TRPM3: variants seen among roughly 807,000 people sequenced by gnomAD.
TRPM3 encodes the protein long transient receptor potential channel 3.
Under a neutral mutation model 181.2 loss-of-function variants are expected in TRPM3, and 77 were observed. The ratio of observed to expected loss-of-function variants is 0.42; its 90% CI spans 0.35 to 0.51. The LOEUF is 0.51. Among genes scored for constraint, TRPM3 ranks in the 20% least tolerant of loss-of-function variants. TRPM3 has a pLI of 0.01. For synonymous variants in TRPM3, 745 were observed against 796.4 expected (o/e 0.94, Z 1.09); for missense variants, 1,759 against 2,196.7 (o/e 0.80, Z 3.98).
At chr9:70,848,434 G>T (rs62545304) in intron 3 of TRPM3, among the ~76,000 whole-genome samples, 1 of 152,090 alleles carries the variant, frequency 6.6e-6, no homozygotes, top group Non-Finnish European at 1.5e-5. Context: ...AGAAATATTG[G>T]CTGAGTATTC....
At chr9:71,125,891 A>C (rs553521921), upstream of TRPM3, among the ~76,000 whole-genome samples, 1 of 152,358 alleles carries the variant, frequency 6.6e-6, no homozygotes, top group Middle Eastern at 3.4e-3. Context: ...TAAACTAAAG[A>C]GCTTTTGCAC....
intron 1 of TRPM3, among the ~76,000 whole-genome samples, chr9:71,233,088 C>G (rs919513987): frequency 6.6e-6 from 1 of 152,168 alleles, no homozygotes; most frequent in Non-Finnish European, 1.5e-5. Context: ...AAGGGCAAAC[C>G]AGGGTCTTCA....
intron 1 of TRPM3, among the ~76,000 whole-genome samples, chr9:71,329,073 A>G (rs1380578429): frequency 6.6e-6 from 1 of 152,248 alleles, no homozygotes; most frequent in Non-Finnish European, 1.5e-5. Flanking sequence ...CAATAGAACT[A>G]TTACAAGGAT....
chr9:71,425,520 C>T (rs1178078290), intron 1 of TRPM3, among the ~76,000 whole-genome samples: 8 of 152,232 alleles, frequency 5.3e-5, no homozygotes, highest in African/African-American at 1.2e-4. Flanking sequence ...GCACCCACCA[C>T]GAAAATACAT....
chr9:70,529,277 G>A lies in TRPM3; in HGVS notation c.*6676C>T, dbSNP rs564621298. On this transcript the variant is annotated 3_prime_UTR_variant, in exon 26 of 26. Transcript: ENST00000677713. Reference sequence around the variant, plus strand: ...TATAGTGTCGATAGATATGCATACCGTGGTCCATCCATACACAAAGAAGGA... The same window carrying A: ...TATAGTGTCGATAGATATGCATACCATGGTCCATCCATACACAAAGAAGGA... 30 of 152,182 alleles carry A rather than the reference G, an allele frequency of 2.0e-4. No homozygotes were observed. The highest frequency in any genetic ancestry group is 1.2e-3 in the South Asian group (6 of 4,816). The allele number at this position is 152,182 out of a possible 1,614,324, so 9.4% of individuals were successfully genotyped here. A position where few individuals can be genotyped will look rare whatever the true frequency, so the allele number is the denominator to read the frequency against.
chr9:71,444,337 A>T (rs1183218428), intron 1 of TRPM3, among the ~76,000 whole-genome samples: 1 of 152,146 alleles, frequency 6.6e-6, no homozygotes, highest in Admixed American at 6.5e-5. Flanking sequence ...CAATTATTTT[A>T]TATTCTCAAA....
chr9:71,399,521 C>CTTTTTTTTTTTTT lies in TRPM3; in HGVS notation c.183+47131_183+47132insAAAAAAAAAAAAA, dbSNP rs1415739241. Reference sequence around the variant, plus strand: ...ATATTCATTTTACTCCTTATATTTTCTTTTGTTTTTTTTTTTTTTTTTTTT... The same window carrying CTTTTTTTTTTTTT: ...ATATTCATTTTACTCCTTATATTTTCTTTTTTTTTTTTTTTTTGTTTTTTTTTTTTTTTTTTTT... On this transcript the variant is annotated intron_variant, in intron 1 of 24. Transcript: ENST00000357533. 7.4e-5 allele frequency among the ~76,000 whole-genome samples: 8 copies of CTTTTTTTTTTTTT among 107,516 alleles called. 1 individual carries two copies. Among genetic ancestry groups the CTTTTTTTTTTTTT allele is most frequent in the Non-Finnish European group, 8.1e-5 (4 of 49,504 alleles). 70.5% of individuals were successfully genotyped at this position (107,516 alleles called of 152,430 possible).
chr9:71,061,547 C>G (rs1361165621), intron 1 of TRPM3, among the ~76,000 whole-genome samples: 1 of 152,076 alleles, frequency 6.6e-6, no homozygotes, highest in Admixed American at 6.6e-5. Context: ...TTGTGATAAA[C>G]ACATGCATTC....
intron 1 of TRPM3, among the ~76,000 whole-genome samples, chr9:71,241,525 T>A (rs1409745327): frequency 6.6e-6 from 1 of 150,654 alleles, no homozygotes; most frequent in Non-Finnish European, 1.5e-5. Context: ...AGGGATAGCA[T>A]TAGGAGATAT....
intron 5 of TRPM3, among the ~76,000 whole-genome samples, chr9:70,837,010 G>A (rs2094364334): frequency 6.6e-6 from 1 of 152,220 alleles, no homozygotes; most frequent in Non-Finnish European, 1.5e-5. Context: ...CCAAAGCTGA[G>A]TGTGGTCCAG....
intron 6 of TRPM3, chr9:70,793,452 T>C (rs2086054448): frequency 1.4e-5 from 1 of 70,728 alleles, no homozygotes; most frequent in South Asian, 5.2e-4. Context: ...TGAGGCTTTG[T>C]CTCAAAAAAA....
intron 1 of TRPM3, among the ~76,000 whole-genome samples, chr9:70,901,147 A>G (rs949541654): frequency 6.6e-6 from 1 of 152,234 alleles, no homozygotes; most frequent in Non-Finnish European, 1.5e-5. Flanking sequence ...GGGACCTAAC[A>G]TGTAGCCAGG....
At chr9:71,205,934 AT>A (rs757480239) in intron 1 of TRPM3, among the ~76,000 whole-genome samples, 3 of 152,198 alleles carry the variant, frequency 2.0e-5, no homozygotes, top group African/African-American at 7.2e-5. Context: ...AAATAAGCAA[AT>A]GAAACTCTGG....
At chr9:71,084,453 A>T (rs1401274922) in intron 1 of TRPM3, among the ~76,000 whole-genome samples, 1 of 152,048 alleles carries the variant, frequency 6.6e-6, no homozygotes, top group African/African-American at 2.4e-5. Context: ...ACGTACAAAA[A>T]TCAGTAGCAT....
intron 1 of TRPM3, among the ~76,000 whole-genome samples, chr9:71,104,875 T>C (rs541243171): frequency 2.3e-4 from 35 of 152,300 alleles, no homozygotes; most frequent in African/African-American, 8.2e-4. Context: ...AACGCTTATA[T>C]TGTATGTTAA....
At chr9:71,262,305 G>C (rs950671227) in intron 1 of TRPM3, among the ~76,000 whole-genome samples, 6 of 152,164 alleles carry the variant, frequency 3.9e-5, no homozygotes, top group African/African-American at 1.4e-4. Flanking sequence ...CAGGGGCTTT[G>C]TTTACACTGT....
At position 71,386,110 on chromosome 9, in the gene TRPM3, G is replaced by A. The variant is rs572549184; in HGVS notation, c.183+60543C>T. Among the ~76,000 whole-genome samples the A allele has an allele frequency of 1.8e-4, 28 of 152,224 alleles. 1 individual carries two copies. In the South Asian group the frequency reaches 4.4e-3, roughly 24 times the overall value. Reference sequence around the variant, plus strand: ...GTTAAGAATGAATCCAAGATTTCTAGCTCAGTCGACAGAAAGAGGCAGAAA... The same window carrying A: ...GTTAAGAATGAATCCAAGATTTCTAACTCAGTCGACAGAAAGAGGCAGAAA... On this transcript the variant is annotated intron_variant, in intron 1 of 24. Transcript: ENST00000357533.
At chr9:71,044,629 G>C (rs1164305430) in intron 1 of TRPM3, among the ~76,000 whole-genome samples, 1 of 152,182 alleles carries the variant, frequency 6.6e-6, no homozygotes, top group African/African-American at 2.4e-5. Context: ...TGACATTTAA[G>C]ATGATCTATT....
At chr9:71,181,070 C>G (rs1340606888) in intron 1 of TRPM3, among the ~76,000 whole-genome samples, 1 of 152,080 alleles carries the variant, frequency 6.6e-6, no homozygotes, top group Non-Finnish European at 1.5e-5. Context: ...AGACACTTCA[C>G]GAGTTGAATT....
Sources: gnomAD v4.1 joint callset for allele counts (sites outside exome capture counted in the v4.1 genomes callset) on GRCh38, gnomAD v4.1.1 for gene constraint, MANE v1.5 for transcripts, NCBI Gene and HGNC (gene_info 2026-07-23, HGNC 2026-07-21) for gene names.